DYM: variants seen among roughly 807,000 people sequenced by gnomAD.
The protein encoded by DYM is dyggve-Melchior-Clausen syndrome protein.
A neutral mutation model predicts 93.1 loss-of-function variants in DYM; 78 were observed. That is an observed-to-expected ratio of 0.84 (90% CI 0.70 to 1.01). DYM has a LOEUF of 1.01. DYM is among the 50% of genes least tolerant of loss of function. DYM has a pLI of 0.00. For missense variants in DYM, 789 were observed against 845.0 expected, an observed-to-expected ratio of 0.93 and a Z score of 0.82; for synonymous variants, 321 against 319.7, an observed-to-expected ratio of 1.00 and a Z score of -0.04.
At chr18:49,281,738 G>A (rs2094984300) in intron 10 of DYM, among the ~76,000 whole-genome samples, 1 of 152,168 alleles carries the variant, frequency 6.6e-6, no homozygotes, top group South Asian at 2.1e-4. Context: ...TCACTCATAG[G>A]TGGGAACTGA....
intron 2 of DYM, among the ~76,000 whole-genome samples, chr18:49,402,026 CA>C (rs61550965): frequency 0.15 from 15,373 of 104,526 alleles, 900 homozygotes; most frequent in East Asian, 0.36. Context: ...AACTCTGTCT[CA>C]AAAAAAAAAA....
intron 14 of DYM, among the ~76,000 whole-genome samples, chr18:49,174,807 G>C (rs2089197734): frequency 6.6e-6 from 1 of 151,986 alleles, no homozygotes; most frequent in African/African-American, 2.4e-5. Flanking sequence ...TGTGCAAGAA[G>C]AGAGAATGAA....
chr18:49,441,221 A>ATTATAT (rs2081515255), intron 1 of DYM, among the ~76,000 whole-genome samples: 1 of 26,924 alleles, frequency 3.7e-5, no homozygotes, highest in Non-Finnish European at 7.2e-5. Flanking sequence ...TATTATATAT[A>ATTATAT]ATTATATTAT....
At chr18:49,364,092 A>G (rs74784526) in intron 5 of DYM, among the ~76,000 whole-genome samples, 13,902 of 152,196 alleles carry the variant, frequency 0.091, 859 homozygotes, top group East Asian at 0.31. Flanking sequence ...CACCATTGTC[A>G]TGCTTTTTTG....
chr18:49,219,448 A>C (rs2093245672), intron 13 of DYM, among the ~76,000 whole-genome samples: 1 of 152,164 alleles, frequency 6.6e-6, no homozygotes, highest in South Asian at 2.1e-4. Context: ...GCAGAGACAC[A>C]ACCAAAAAAG....
chr18:49,152,925 CAT>C (rs2085980246), intron 15 of DYM, among the ~76,000 whole-genome samples: 1 of 152,002 alleles, frequency 6.6e-6, no homozygotes, highest in Admixed American at 6.6e-5. Flanking sequence ...AAGTCAAAAT[CAT>C]AGAATCAGAG....
At chr18:49,202,938 A>C in intron 14 of DYM, among the ~76,000 whole-genome samples, 1 of 123,430 alleles carries the variant, frequency 8.1e-6, no homozygotes, top group Admixed American at 7.9e-5. Flanking sequence ...CAGCCGCCCC[A>C]TCCGGGAGGG....
At chr18:49,336,288 AAAG>A (rs1355164148) in intron 6 of DYM, among the ~76,000 whole-genome samples, 4 of 152,214 alleles carry the variant, frequency 2.6e-5, no homozygotes, top group African/African-American at 7.2e-5. Flanking sequence ...AACCTTAGGG[AAAG>A]AATACGTATT....
chr18:49,394,149 T>C (rs2069745632), intron 2 of DYM, among the ~76,000 whole-genome samples: 1 of 152,218 alleles, frequency 6.6e-6, no homozygotes, highest in African/African-American at 2.4e-5. Context: ...ATTGTGTATA[T>C]TTCACCACAA....
intron 17 of DYM, among the ~76,000 whole-genome samples, chr18:49,070,987 A>G (rs1488164543): frequency 6.6e-6 from 1 of 152,210 alleles, no homozygotes; most frequent in East Asian, 1.9e-4. Flanking sequence ...ACTGTTAGCA[A>G]TGAGAGGCTG....
intron 15 of DYM, among the ~76,000 whole-genome samples, chr18:49,143,536 C>T (rs1160683731): frequency 6.6e-6 from 1 of 152,028 alleles, no homozygotes; most frequent in African/African-American, 2.4e-5. Context: ...GGATATTGGT[C>T]TTATTTAACT....
intron 16 of DYM, among the ~76,000 whole-genome samples, chr18:49,101,677 C>G (rs993870463): frequency 2.6e-5 from 4 of 152,004 alleles, no homozygotes; most frequent in Non-Finnish European, 5.9e-5. Context: ...TTTAAGACAA[C>G]GATAAACATG....
intron 2 of DYM, among the ~76,000 whole-genome samples, chr18:49,405,068 CT>C (rs2071320769): frequency 6.6e-6 from 1 of 151,428 alleles, no homozygotes; most frequent in Admixed American, 6.6e-5. Context: ...CCATTCATGC[CT>C]TTTCCTCATT....
rs373531876 is a variant in DYM, at chr18:49,092,684, T to G, written c.2025+4718A>C. ...AGATGCTTTGCTTGTATATTATAGG[T>G]GATATCGGTGATGATGATGATGATG... On this transcript the variant is annotated intron_variant, in intron 17 of 17. Transcript: ENST00000675505. 3.5e-4 allele frequency among the ~76,000 whole-genome samples: 54 copies of G among 152,190 alleles called. 3 individuals carry two copies. Among genetic ancestry groups the G allele is most frequent in the East Asian group, 3.1e-3 (16 of 5,172 alleles).
At chr18:49,334,585 A>G (rs1218867892) in intron 6 of DYM, among the ~76,000 whole-genome samples, 8 of 152,232 alleles carry the variant, frequency 5.3e-5, no homozygotes, top group African/African-American at 1.9e-4. Context: ...AATGGGGAAC[A>G]TGTTAAGACC....
intron 2 of DYM, among the ~76,000 whole-genome samples, chr18:49,406,032 T>C (rs530950958): frequency 1.3e-5 from 2 of 152,308 alleles, no homozygotes; most frequent in Non-Finnish European, 2.9e-5. Flanking sequence ...AGCTTGAATA[T>C]TATCAATGTA....
intron 17 of DYM, among the ~76,000 whole-genome samples, chr18:49,067,580 C>T (rs541962015): frequency 2.2e-4 from 33 of 152,036 alleles, no homozygotes; most frequent in Non-Finnish European, 4.7e-4. Context: ...TCGTGGGAAA[C>T]AAGCACAGGC....
chr18:49,186,701 C>T lies in DYM; in HGVS notation c.1625+22850G>A, dbSNP rs142926437. On this transcript the variant is annotated intron_variant, in intron 14 of 17. Coordinates refer to ENST00000675505, the MANE Select transcript of DYM (RefSeq NM_001353214.3). ...TGAGGTTCACCATCTTCACTCACAC[C>T]GAAGAGAATGTGAATTCTAACAAAC... Among the ~76,000 whole-genome samples the T allele has an allele frequency of 6.2e-3, 946 of 151,904 alleles. 5 individuals carry two copies. Among genetic ancestry groups the T allele is most frequent in the Admixed American group, 0.017 (260 of 15,238 alleles).
At chr18:49,221,657 C>G (rs1278706341) in intron 13 of DYM, among the ~76,000 whole-genome samples, 1 of 151,738 alleles carries the variant, frequency 6.6e-6, no homozygotes, top group Non-Finnish European at 1.5e-5. Flanking sequence ...ATCACAAGGA[C>G]AAAAAACCAA....
Sources: gnomAD v4.1 joint callset for allele counts (sites outside exome capture counted in the v4.1 genomes callset) on GRCh38, gnomAD v4.1.1 for gene constraint, MANE v1.5 for transcripts, NCBI Gene and HGNC (gene_info 2026-07-23, HGNC 2026-07-21) for gene names.